Variants in PTPRT observed in about 807,000 individuals in gnomAD.
PTPRT encodes protein tyrosine phosphatase receptor type T.
In PTPRT, 56 loss-of-function variants were observed where a neutral mutation model predicts 176.8. The ratio of observed to expected loss-of-function variants is 0.32; its 90% CI spans 0.26 to 0.40. The LOEUF is 0.40. Ranked by LOEUF, PTPRT falls within the 10% of genes least tolerant of loss-of-function variation. The pLI is 1.00. For synonymous variants in PTPRT, 783 were observed against 739.0 expected, an observed-to-expected ratio of 1.06 and a Z score of -0.96; for missense variants, 1,540 against 1,908.2, an observed-to-expected ratio of 0.81 and a Z score of 3.60.
At chr20:43,060,429 C>G (rs975932180) in intron 1 of PTPRT, among the ~76,000 whole-genome samples, 1 of 152,104 alleles carries the variant, frequency 6.6e-6, no homozygotes, top group Non-Finnish European at 1.5e-5. Flanking sequence ...TCTTTCCTGG[C>G]CTAATCATCT....
At chr20:42,702,254 T>G (rs1569096148) in intron 6 of PTPRT, among the ~76,000 whole-genome samples, 1 of 152,178 alleles carries the variant, frequency 6.6e-6, no homozygotes, top group Non-Finnish European at 1.5e-5. Flanking sequence ...TTCTGACAGC[T>G]ATTCTTTGAG....
At chr20:42,523,644 T>G (rs950811860) in intron 7 of PTPRT, among the ~76,000 whole-genome samples, 8 of 152,232 alleles carry the variant, frequency 5.3e-5, no homozygotes, top group Non-Finnish European at 1.2e-4. Context: ...CTCCTTTGAT[T>G]GGTAAGTTTA....
chr20:42,694,545 C>T (rs2075843738), intron 6 of PTPRT, among the ~76,000 whole-genome samples: 1 of 152,138 alleles, frequency 6.6e-6, no homozygotes, highest in African/African-American at 2.4e-5. Context: ...CATAAGTTTT[C>T]ATTTTTCTGG....
At chr20:42,359,881 G>T (rs1238234360) in intron 9 of PTPRT, among the ~76,000 whole-genome samples, 1 of 152,166 alleles carries the variant, frequency 6.6e-6, no homozygotes, top group Non-Finnish European at 1.5e-5. Flanking sequence ...GCCCTGCAGG[G>T]GCTTCCTCTA....
chr20:42,822,586 A>G (rs1218383088), intron 2 of PTPRT, among the ~76,000 whole-genome samples: 3 of 152,228 alleles, frequency 2.0e-5, no homozygotes, highest in African/African-American at 7.2e-5. Flanking sequence ...CTGCACAGCA[A>G]AAGAAACTAG....
intron 1 of PTPRT, among the ~76,000 whole-genome samples, chr20:43,138,117 C>T (rs971186315): frequency 6.6e-6 from 1 of 152,184 alleles, no homozygotes; most frequent in Non-Finnish European, 1.5e-5. Context: ...GCATAGGGCC[C>T]GGCACAGAGT....
At chr20:43,084,814 A>G (rs1031461006) in intron 1 of PTPRT, among the ~76,000 whole-genome samples, 3 of 152,220 alleles carry the variant, frequency 2.0e-5, no homozygotes, top group Non-Finnish European at 4.4e-5. Flanking sequence ...AGAAGGAAAT[A>G]CAACAAAATA....
At chr20:42,454,697 G>T (rs1346006068) in intron 8 of PTPRT, among the ~76,000 whole-genome samples, 1 of 151,932 alleles carries the variant, frequency 6.6e-6, no homozygotes, top group Non-Finnish European at 1.5e-5. Flanking sequence ...TTTAATTTGT[G>T]TCTTGTGTTT....
At chr20:42,465,292 C>G (rs947341784) in intron 8 of PTPRT, among the ~76,000 whole-genome samples, 1 of 152,158 alleles carries the variant, frequency 6.6e-6, no homozygotes, top group African/African-American at 2.4e-5. Flanking sequence ...GTGACTCTTG[C>G]AATCCCACTT....
chr20:42,635,102 A>G (rs2074565163), intron 7 of PTPRT, among the ~76,000 whole-genome samples: 1 of 152,094 alleles, frequency 6.6e-6, no homozygotes, highest in Admixed American at 6.6e-5. Context: ...ATGGAGAAAT[A>G]CTGAAAAAAA....
rs753545712 is a variant in PTPRT, at chr20:42,245,140, C to T, written c.2312+3547G>A. On this transcript the variant is annotated intron_variant, in intron 14 of 30. Transcript: ENST00000373187. The stretch of plus-strand genomic sequence containing the variant: ...GAACATTCAGAACTCTAGATGTGAT[C>T]GACAGATCCAGAGGAAAAAGATGGA... Among the ~76,000 whole-genome samples, 6 of 152,032 alleles carry T rather than the reference C, an allele frequency of 3.9e-5. No homozygotes were observed. In the South Asian group the frequency reaches 8.3e-4, roughly 21 times the overall value.
At chr20:42,221,082 C>T (rs986478857) in intron 15 of PTPRT, among the ~76,000 whole-genome samples, 2 of 152,192 alleles carry the variant, frequency 1.3e-5, no homozygotes, top group Non-Finnish European at 2.9e-5. Flanking sequence ...CTCACTGCAA[C>T]CTCCGCTTCC....
chr20:42,996,264 T>C (rs573772582), intron 1 of PTPRT, among the ~76,000 whole-genome samples: 2 of 152,188 alleles, frequency 1.3e-5, no homozygotes, highest in Admixed American at 1.3e-4. Context: ...AATTTTAAGA[T>C]CCTTACAGCA....
chr20:42,948,175 C>A (rs59765130), intron 1 of PTPRT, among the ~76,000 whole-genome samples: 2 of 152,342 alleles, frequency 1.3e-5, no homozygotes, highest in African/African-American at 4.8e-5. Context: ...GCTTCCATGG[C>A]TGATCCATGA....
At chr20:42,415,389 T>TG (rs3973928) in intron 9 of PTPRT, among the ~76,000 whole-genome samples, 9 of 150,520 alleles carry the variant, frequency 6.0e-5, no homozygotes, top group African/African-American at 2.2e-4. Context: ...TTTGTTTGTT[T>TG]TTTGTAGATA....
intron 15 of PTPRT, among the ~76,000 whole-genome samples, chr20:42,233,083 T>C (rs1283549693): frequency 6.6e-6 from 1 of 152,210 alleles, no homozygotes. Flanking sequence ...CTTCTGATTC[T>C]TTAATCATGG....
At chr20:42,398,671 A>G (rs1204431808) in intron 9 of PTPRT, among the ~76,000 whole-genome samples, 1 of 152,112 alleles carries the variant, frequency 6.6e-6, no homozygotes, top group African/African-American at 2.4e-5. Flanking sequence ...AACAATAATT[A>G]CCTCCTCACA....
chr20:42,897,326 G>C (rs913167453), intron 1 of PTPRT, among the ~76,000 whole-genome samples: 2 of 152,138 alleles, frequency 1.3e-5, no homozygotes, highest in African/African-American at 4.8e-5. Context: ...TTTTCTGTGA[G>C]ACTTTGTGCA....
intron 12 of PTPRT, among the ~76,000 whole-genome samples, chr20:42,308,560 A>G (rs143281132): frequency 9.1e-4 from 139 of 152,296 alleles, no homozygotes; most frequent in African/African-American, 3.1e-3. Context: ...AGCCAAAAGA[A>G]AAAAGAACAA....
Sources: allele counts gnomAD v4.1 joint callset (sites outside exome capture counted in the v4.1 genomes callset), GRCh38; gene constraint gnomAD v4.1.1; transcripts MANE v1.5; gene names NCBI Gene and HGNC (gene_info 2026-07-23, HGNC 2026-07-21).